TDRD1: variants seen among roughly 807,000 people sequenced by gnomAD.
The protein encoded by TDRD1 is tudor domain containing 1.
In TDRD1, 37 loss-of-function variants were observed where a neutral mutation model predicts 140.6. The observed-to-expected ratio is 0.26, with a 90% CI of 0.20 to 0.35. The LOEUF (loss-of-function observed/expected upper bound fraction) is 0.35. TDRD1 is among the 10% of genes least tolerant of loss of function. TDRD1 has a pLI of 1.00. For missense variants in TDRD1, 1,243 were observed against 1,393.0 expected (o/e 0.89, Z 1.71); for synonymous variants, 506 against 475.7 (o/e 1.06, Z -0.83).
intron 23 of TDRD1, 70 bp from the exon 24 acceptor site, chr10:114,227,840 G>A (rs773841598): frequency 2.8e-5 from 36 of 1,283,936 alleles, no homozygotes; most frequent in Non-Finnish European, 4.0e-5. Context: ...ATCTGTATAT[G>A]TTTACACTCC....
At chr10:114,189,852 T>C (rs1316669231) in intron 2 of TDRD1, among the ~76,000 whole-genome samples, 2 of 152,248 alleles carry the variant, frequency 1.3e-5, no homozygotes, top group African/African-American at 2.4e-5. Flanking sequence ...AAATGACCAA[T>C]GCGTGGTATT....
chr10:114,205,803 C>T (rs1057397057), intron 10 of TDRD1, among the ~76,000 whole-genome samples: 5 of 152,014 alleles, frequency 3.3e-5, no homozygotes, highest in Admixed American at 6.6e-5. Flanking sequence ...ACCTACTATT[C>T]GATAGCACAA....
chr10:114,228,955 C>T (rs1442768808), intron 25 of TDRD1: 4 of 187,166 alleles, frequency 2.1e-5, no homozygotes, highest in Admixed American at 1.3e-4. Flanking sequence ...TGGTGGTGCA[C>T]ACCTGTTAAC....
exon 13 of TDRD1, chr10:114,210,957 T>C: frequency 6.2e-7 from 1 of 1,613,760 alleles, no homozygotes; most frequent in Non-Finnish European, 8.5e-7. Context: ...TATGTTGTGC[T>C]CAGTTCTCAG....
intron 11 of TDRD1, among the ~76,000 whole-genome samples, chr10:114,208,839 T>C (rs1000247309): frequency 5.3e-5 from 8 of 151,752 alleles, no homozygotes; most frequent in Non-Finnish European, 1.2e-4. Flanking sequence ...AGTGCTGTGA[T>C]CTCAGCTCCC....
exon 23 of TDRD1, chr10:114,227,164 G>C (rs1470789075): frequency 6.2e-7 from 1 of 1,608,624 alleles, no homozygotes; most frequent in Non-Finnish European, 8.5e-7. Flanking sequence ...TTCTGTGAAA[G>C]GAATTACAAA....
chr10:114,182,851 A>AT (rs1312718224), intron 1 of TDRD1, among the ~76,000 whole-genome samples: 1 of 151,792 alleles, frequency 6.6e-6, no homozygotes, highest in Non-Finnish European at 1.5e-5. Flanking sequence ...TGCCCAGCTA[A>AT]TTTTTTGTAT....
chr10:114,202,325 T>G (rs184347752), intron 6 of TDRD1, 27 bp downstream of exon 6: 30 of 1,428,964 alleles, frequency 2.1e-5, no homozygotes, highest in Non-Finnish European at 9.7e-7. Flanking sequence ...CTTTAAATTT[T>G]GAATAACTCC....
intron 4 of TDRD1, among the ~76,000 whole-genome samples, chr10:114,200,052 C>T (rs1011522292): frequency 5.3e-5 from 8 of 152,192 alleles, no homozygotes; most frequent in Non-Finnish European, 5.9e-5. Context: ...GGTATTGTCC[C>T]ATTTTCTTTT....
chr10:114,191,046 TG>T, intron 3 of TDRD1, 27 bp downstream of exon 3: 1 of 1,605,112 alleles, frequency 6.2e-7, no homozygotes, highest in Non-Finnish European at 8.5e-7. Context: ...TGTGTGTGCT[TG>T]TTTGGGTAAA....
Position 114,227,061 on chromosome 10 carries a change from AT to A in TDRD1, c.3176-5del, listed in dbSNP as rs1391471904. 6.5e-6 allele frequency: 9 copies of A among 1,379,534 alleles called. No individual in the cohort carries two copies. Among genetic ancestry groups the A allele is most frequent in the Non-Finnish European group, 9.2e-6 (9 of 982,240 alleles). 85.5% of individuals were successfully genotyped at this position (1,379,534 alleles called of 1,614,324 possible). On this transcript the variant is annotated splice_polypyrimidine_tract_variant and intron_variant, in intron 22 of 25. Coordinates refer to ENST00000251864, the Ensembl canonical transcript of TDRD1. The stretch of plus-strand genomic sequence containing the variant: ...AAGGGACTAAAAGACTATAATATCT[AT>A]TTTTTCCAGGATTAATGGAATTGAA...
Position 114,228,517 on chromosome 10 carries a change from T to G in TDRD1, c.3538+392T>G, listed in dbSNP as rs1214222259. On this transcript the variant is annotated intron_variant, in intron 25 of 25. Coordinates refer to ENST00000251864, the Ensembl canonical transcript of TDRD1. ...CTTATGCACATTGCTGTAAATATGT[T>G]TAGCACTTTTTGCGAGGGGTATCTA... is the stretch of plus-strand genomic sequence containing the variant. 7 of 994,340 alleles carry G rather than the reference T, an allele frequency of 7.0e-6. No individual in the cohort carries two copies. In the African/African-American group the frequency reaches 1.2e-4, roughly 17 times the overall value. 61.6% of individuals were successfully genotyped at this position (994,340 alleles called of 1,614,324 possible).
intron 11 of TDRD1, among the ~76,000 whole-genome samples, chr10:114,208,169 A>C (rs959590857): frequency 2.0e-5 from 3 of 152,214 alleles, no homozygotes; most frequent in African/African-American, 7.2e-5. Flanking sequence ...GAAGAGGTAT[A>C]GGATGGGGAA....
In TDRD1 at chr10:114,201,177, T is replaced by C. The variant is rs557913206; in HGVS notation, c.530-233T>C. ...GGCCGCTTGCTGCTTTTATAACATA[T>C]ATTCTGAGGTCTATTAGGAAACTCA... On this transcript the variant is annotated intron_variant, in intron 4 of 25. Coordinates refer to ENST00000251864, the Ensembl canonical transcript of TDRD1. Among the ~76,000 whole-genome samples, 17 of 152,240 alleles carry C rather than the reference T, an allele frequency of 1.1e-4. No individual in the cohort carries two copies. In the South Asian group the frequency reaches 3.3e-3, roughly 30 times the overall value.
At chr10:114,188,389 G>A (rs555913629) in intron 2 of TDRD1, among the ~76,000 whole-genome samples, 1 of 152,278 alleles carries the variant, frequency 6.6e-6, no homozygotes, top group South Asian at 2.1e-4. Context: ...TTTCCCCACA[G>A]AGGACTATAC....
exon 26 of TDRD1, chr10:114,231,514 A>G: frequency 6.3e-7 from 1 of 1,598,132 alleles, no homozygotes. Context: ...GTAAACCCTT[A>G]TGAGACAGGA....
intron 3 of TDRD1, among the ~76,000 whole-genome samples, chr10:114,198,309 C>T (rs2034505142): frequency 6.6e-6 from 1 of 152,158 alleles, no homozygotes; most frequent in African/African-American, 2.4e-5. Context: ...CTGACACCAC[C>T]TTGGTCGGGG....
chr10:114,188,227 A>G, intron 2 of TDRD1, 71 bp downstream of exon 2: 1 of 1,343,926 alleles, frequency 7.4e-7, no homozygotes, highest in Non-Finnish European at 1.0e-6. Context: ...AGTATATATA[A>G]CCACACACCA....
chr10:114,188,236 C>A, intron 2 of TDRD1, 80 bp downstream of exon 2: 1 of 1,261,168 alleles, frequency 7.9e-7, no homozygotes, highest in Non-Finnish European at 1.1e-6. Context: ...AACCACACAC[C>A]AGTGGGCTAT....
Sources: allele counts gnomAD v4.1 joint callset (sites outside exome capture counted in the v4.1 genomes callset), GRCh38; gene constraint gnomAD v4.1.1; transcripts MANE v1.5; gene names NCBI Gene and HGNC (gene_info 2026-07-23, HGNC 2026-07-21).